The following H2AC25 variants were observed in gnomAD, a reference collection of about 807,000 sequenced individuals.
H2AC25 encodes histone H2A type 3.
the H2AC25 span, chr1:228,457,808 G>T: frequency 6.3e-7 from 1 of 1,598,020 alleles, no homozygotes; most frequent in Non-Finnish European, 8.5e-7. Context: ...TGCTTACCAC[G>T]ACCGGACATT....
chr1:228,457,497 G>A, the H2AC25 span: 4 of 1,613,990 alleles, frequency 2.5e-6, no homozygotes, highest in African/African-American at 1.3e-5. Flanking sequence ...TGGGCAGGAC[G>A]CCACCCTGCG....
At chr1:228,457,500 A>G in the H2AC25 span, 1 of 1,613,958 alleles carries the variant, frequency 6.2e-7, no homozygotes. Flanking sequence ...GCAGGACGCC[A>G]CCCTGCGCGA....
the H2AC25 span, chr1:228,457,408 G>C: frequency 6.2e-7 from 1 of 1,613,336 alleles, no homozygotes; most frequent in East Asian, 2.2e-5. Context: ...AAGGGGCCCC[G>C]GGGGCGGCGG....
chr1:228,457,766 G>A, the H2AC25 span: 6 of 1,610,930 alleles, frequency 3.7e-6, no homozygotes, highest in East Asian at 2.2e-5. Context: ...CGCGACGAGC[G>A]CGACTTAGCC....
chr1:228,457,573 C>T, the H2AC25 span: 1 of 1,614,070 alleles, frequency 6.2e-7, no homozygotes, highest in Non-Finnish European at 8.5e-7. Flanking sequence ...CTGCAGGTGG[C>T]GCGGGATGAT....
chr1:228,457,476 G>C, the H2AC25 span: 1 of 1,614,102 alleles, frequency 6.2e-7, no homozygotes, highest in African/African-American at 1.3e-5. Flanking sequence ...GCAGCAGTAC[G>C]GCCTGGATGT....
At chr1:228,457,712 G>T in the H2AC25 span, 21 of 1,613,084 alleles carry the variant, frequency 1.3e-5, no homozygotes, top group Non-Finnish European at 1.7e-5. Context: ...TTGCCCTTGC[G>T]GAGCAACCGG....
chr1:228,457,399 A>C, the H2AC25 span: 2 of 1,613,138 alleles, frequency 1.2e-6, no homozygotes, highest in Non-Finnish European at 8.5e-7. Context: ...TGTCCATCAA[A>C]GGGGCCCCGG....
chr1:228,457,578 G>T, the H2AC25 span: 4 of 1,614,070 alleles, frequency 2.5e-6, no homozygotes, highest in South Asian at 4.4e-5. Context: ...GGTGGCGCGG[G>T]ATGATGCGCG....
At chr1:228,457,836 AG>A in the H2AC25 span, 1 of 1,580,296 alleles carries the variant, frequency 6.3e-7, no homozygotes, top group Non-Finnish European at 8.6e-7. Flanking sequence ...CAAGGAAAAA[AG>A]ACAACGGCAA....
chr1:228,457,450 C>T, the H2AC25 span: 14 of 1,613,980 alleles, frequency 8.7e-6, no homozygotes, highest in South Asian at 1.1e-5. Context: ...CTTGTGGTGG[C>T]TCTCCGTCTT....
chr1:228,457,789 T>C, the H2AC25 span: 6 of 1,606,772 alleles, frequency 3.7e-6, no homozygotes, highest in Admixed American at 1.7e-5. Context: ...GGCGCGCGCC[T>C]TGCCACCCTG....
At chr1:228,457,686 C>G in the H2AC25 span, 923 of 1,613,582 alleles carry the variant, frequency 5.7e-4, 3 homozygotes, top group Middle Eastern at 3.1e-3. Context: ...CGCCGGCGCC[C>G]ACGCGCTCCG....
chr1:228,457,373 C>A, the H2AC25 span: 1 of 1,602,574 alleles, frequency 6.2e-7, no homozygotes, highest in South Asian at 1.1e-5. Context: ...GTAGGTGGCT[C>A]TGAAAAGAGC....
chr1:228,457,590 C>T, the H2AC25 span: 5 of 1,613,956 alleles, frequency 3.1e-6, no homozygotes, highest in Non-Finnish European at 4.2e-6. Context: ...TGATGCGCGT[C>T]TTCTTGTTGT....
At chr1:228,457,688 C>A in the H2AC25 span, 2 of 1,613,578 alleles carry the variant, frequency 1.2e-6, no homozygotes, top group Non-Finnish European at 1.7e-6. Context: ...CCGGCGCCCA[C>A]GCGCTCCGAA....
At chr1:228,457,769 A>C in the H2AC25 span, 2 of 1,610,194 alleles carry the variant, frequency 1.2e-6, no homozygotes, top group Non-Finnish European at 1.7e-6. Context: ...GACGAGCGCG[A>C]CTTAGCCTTG....
At chr1:228,457,842 C>T in the H2AC25 span, 4 of 1,579,614 alleles carry the variant, frequency 2.5e-6, no homozygotes, top group East Asian at 2.2e-5. Flanking sequence ...AAAAAGACAA[C>T]GGCAACCGAA....
chr1:228,457,753 G>A, the H2AC25 span: 7 of 1,611,130 alleles, frequency 4.3e-6, no homozygotes, highest in Non-Finnish European at 5.9e-6. Context: ...CTGCAGCCCC[G>A]CGCGCGACGA....
Sources: gnomAD v4.1 joint callset for allele counts on GRCh38, gnomAD v4.1.1 for gene constraint, MANE v1.5 for transcripts, NCBI Gene and HGNC (gene_info 2026-07-23, HGNC 2026-07-21) for gene names.